SLC35F5: variants seen among roughly 807,000 people sequenced by gnomAD.
SLC35F5 encodes HCV NS5A-transactivated protein 3.
SLC35F5 carries 54 observed loss-of-function variants against 68.6 expected under a neutral mutation model. The ratio of observed to expected loss-of-function variants is 0.79; its 90% CI spans 0.63 to 0.99. SLC35F5 has a LOEUF of 0.99. Ranked by LOEUF, SLC35F5 falls within the 50% of genes least tolerant of loss-of-function variation. The pLI is 0.00. For synonymous variants in SLC35F5, 211 were observed against 205.2 expected, an observed-to-expected ratio of 1.03 and a Z score of -0.24; for missense variants, 567 against 626.9, an observed-to-expected ratio of 0.90 and a Z score of 1.02.
At chr2:113,738,706 T>A (rs1433284054) in intron 7 of SLC35F5, among the ~76,000 whole-genome samples, 1 of 150,688 alleles carries the variant, frequency 6.6e-6, no homozygotes, top group African/African-American at 2.4e-5. Flanking sequence ...CAAAGAAGAC[T>A]GGCAAATACA....
rs894731500 is a variant in SLC35F5, at chr2:113,756,099, T to C, written c.40+271A>G. On this transcript the variant is annotated intron_variant, in intron 1 of 15. Coordinates refer to ENST00000245680, the MANE Select transcript of SLC35F5 (RefSeq NM_025181.5). ...AAGAAACAGCTGGGAAAAGAAATCA[T>C]CCTTCTGTTTTGGAGCGGGGAAGAC... 1.2e-5 allele frequency: 17 copies of C among 1,447,326 alleles called. No individual in the cohort carries two copies. In the African/African-American group the frequency reaches 2.0e-4, roughly 17 times the overall value. The allele number at this position is 1,447,326 out of a possible 1,614,324, so 89.7% of individuals were successfully genotyped here.
chr2:113,707,268 A>G lies in SLC35F5; in HGVS notation c.*7950T>C, dbSNP rs1037729084. ...TTAAGTTGACTTAATATTTGCACAT[A>G]GCTACTGATTACTCAATACAGGCCT... is the stretch of plus-strand genomic sequence containing the variant. On this transcript the variant is annotated 3_prime_UTR_variant, in exon 16 of 16. Transcript: ENST00000245680. Among the ~76,000 whole-genome samples, 1 of 152,206 alleles carries G rather than the reference A, an allele frequency of 6.6e-6. No individual in the cohort carries two copies. The highest frequency in any genetic ancestry group is 2.4e-5 in the African/African-American group (1 of 41,458).
downstream of SLC35F5, among the ~76,000 whole-genome samples, chr2:113,704,761 A>G (rs1686766373): frequency 1.3e-5 from 2 of 151,810 alleles, 1 homozygote; most frequent in Admixed American, 1.3e-4. Flanking sequence ...CACCGCGCGC[A>G]GCCCCTGTTC....
chr2:113,742,410 C>T (rs1442717757), intron 7 of SLC35F5: 2 of 474,092 alleles, frequency 4.2e-6, no homozygotes, highest in Admixed American at 7.3e-5. Flanking sequence ...TGAGGCAATG[C>T]TAAATTCTGA....
chr2:113,745,805 C>A (rs1042346355), intron 5 of SLC35F5, among the ~76,000 whole-genome samples: 2 of 152,174 alleles, frequency 1.3e-5, no homozygotes, highest in Non-Finnish European at 2.9e-5. Context: ...ACTTTACTTG[C>A]TTATTACCTG....
At chr2:113,751,400 T>C (rs1274310985) in intron 3 of SLC35F5, among the ~76,000 whole-genome samples, 1 of 152,130 alleles carries the variant, frequency 6.6e-6, no homozygotes, top group African/African-American at 2.4e-5. Flanking sequence ...ATTTTTTATA[T>C]CCTAAGAAAA....
chr2:113,741,051 G>A (rs77835167), intron 7 of SLC35F5, among the ~76,000 whole-genome samples: 283 of 152,238 alleles, frequency 1.9e-3, no homozygotes, highest in African/African-American at 6.6e-3. Context: ...ACAGAATAAT[G>A]AATAAACAAA....
intron 11 of SLC35F5, among the ~76,000 whole-genome samples, chr2:113,726,279 T>C (rs1687661280): frequency 1.3e-5 from 2 of 152,216 alleles, no homozygotes; most frequent in African/African-American, 4.8e-5. Context: ...ACAAAACACA[T>C]AAAATATAGC....
Position 113,755,197 on chromosome 2 carries a change from C to A in SLC35F5, c.241G>T (p.Val81Leu). ...AGTTCAGAGGAAGCAACCCATATCA[C>A]ATCAACAAGCAGAAGAATAACAATC... ...LGIVILLLVD[V>L]IWVASSELTS... is the part of the protein sequence containing the mutation. The change falls in exon 3 of 16, where the codon GTG (valine) becomes TTG (leucine). Residue 81 changes from valine (V) to leucine (L), a missense_variant. Physicochemically the swap from Val to Leu is conservative, Grantham distance 32. Coordinates refer to ENST00000245680, the MANE Select transcript of SLC35F5 (RefSeq NM_025181.5). 6.2e-7 allele frequency: 1 copy of A among 1,614,084 alleles called. No individual in the cohort carries two copies. The highest frequency in any genetic ancestry group is 1.1e-5 in the South Asian group (1 of 91,082).
intron 15 of SLC35F5, chr2:113,717,543 A>G (rs910695707): frequency 5.3e-6 from 2 of 374,292 alleles, no homozygotes; most frequent in African/African-American, 4.2e-5. Context: ...CCATTTCACA[A>G]ATAAGAAAGC....
rs1205675902 is a variant in SLC35F5, at chr2:113,711,800, G to A, written c.*3418C>T. On this transcript the variant is annotated 3_prime_UTR_variant, in exon 16 of 16. Transcript: ENST00000245680. ...CAAAAGGAGAGTAGGTAGAAACGAAGATCATAACTATACTTACTTAATATG... is the reference window on the plus strand; with the variant it reads ...CAAAAGGAGAGTAGGTAGAAACGAAAATCATAACTATACTTACTTAATATG... 3.3e-5 allele frequency among the ~76,000 whole-genome samples: 5 copies of A among 151,964 alleles called. No homozygotes were observed. The highest frequency in any genetic ancestry group is 5.9e-5 in the Non-Finnish European group (4 of 67,982).
chr2:113,735,671 A>T, intron 8 of SLC35F5, 106 bp downstream of exon 8: 1 of 666,860 alleles, frequency 1.5e-6, no homozygotes, highest in South Asian at 2.1e-5. Flanking sequence ...ATTAGAACTA[A>T]TGTAAGAAGC....
At chr2:113,754,760 A>T (rs990150227) in intron 3 of SLC35F5, among the ~76,000 whole-genome samples, 2 of 152,194 alleles carry the variant, frequency 1.3e-5, no homozygotes, top group Non-Finnish European at 2.9e-5. Context: ...CTATACATGA[A>T]AACTCATTAT....
rs1686849426 is a variant in SLC35F5, at chr2:113,708,057, T to A, written c.*7161A>T. The stretch of plus-strand genomic sequence containing the variant: ...TGGAAAATAGATCTTTCAAATGCAA[T>A]TGCAGTATCCAAGGAAATTCCTCCC... On this transcript the variant is annotated 3_prime_UTR_variant, in exon 16 of 16. Transcript: ENST00000245680. Among the ~76,000 whole-genome samples, 1 of 151,876 alleles carries A rather than the reference T, an allele frequency of 6.6e-6. No homozygotes were observed. Among genetic ancestry groups the A allele is most frequent in the African/African-American group, 2.4e-5 (1 of 41,428 alleles).
At chr2:113,721,971 C>CTTTTTTTTT (rs71297192) in intron 13 of SLC35F5, among the ~76,000 whole-genome samples, 26 of 107,654 alleles carry the variant, frequency 2.4e-4, no homozygotes, top group African/African-American at 3.9e-4. Context: ...TTGCTTTTAT[C>CTTTTTTTTT]TTTTTTTTTT....
chr2:113,736,396 A>G (rs1278534456), intron 7 of SLC35F5, among the ~76,000 whole-genome samples: 1 of 151,844 alleles, frequency 6.6e-6, no homozygotes, highest in African/African-American at 2.4e-5. Flanking sequence ...AGTGAGGCAT[A>G]ACTGCCTCAC....
intron 3 of SLC35F5, among the ~76,000 whole-genome samples, chr2:113,752,725 G>A (rs949591501): frequency 6.6e-6 from 1 of 151,958 alleles, no homozygotes; most frequent in Non-Finnish European, 1.5e-5. Flanking sequence ...TGCAATGCGT[G>A]ATCTTCATTT....
Position 113,739,931 on chromosome 2 carries a change from T to G in SLC35F5, c.750+2761A>C, listed in dbSNP as rs139181840. On this transcript the variant is annotated intron_variant, in intron 7 of 15. Coordinates refer to ENST00000245680, the MANE Select transcript of SLC35F5 (RefSeq NM_025181.5). ...AATAAAGTAAGCTAAAGAAATGCTA[T>G]TAAGAAAATCATAAGAAAGAATATA... is the stretch of plus-strand genomic sequence containing the variant. 4.9e-3 allele frequency among the ~76,000 whole-genome samples: 753 copies of G among 152,308 alleles called. 8 individuals carry two copies. Among genetic ancestry groups the G allele is most frequent in the African/African-American group, 0.016 (670 of 41,560 alleles).
chr2:113,725,230 C>T (rs1165910732), intron 12 of SLC35F5, 148 bp downstream of exon 12: 1 of 649,866 alleles, frequency 1.5e-6, no homozygotes, highest in Non-Finnish European at 2.6e-6. Context: ...AACAAAGTCC[C>T]TGCTCTAGTG....
Sources: allele counts gnomAD v4.1 joint callset (sites outside exome capture counted in the v4.1 genomes callset), GRCh38; gene constraint gnomAD v4.1.1; transcripts MANE v1.5; gene names NCBI Gene and HGNC (gene_info 2026-07-23, HGNC 2026-07-21).